The following SLITRK1 variants were observed in gnomAD, a reference collection of about 807,000 sequenced individuals.
The protein encoded by SLITRK1 is SLIT and NTRK like family member 1.
A neutral mutation model predicts 42.4 loss-of-function variants in SLITRK1; 10 were observed. The ratio of observed to expected loss-of-function variants is 0.24; its 90% confidence interval spans 0.15 to 0.40. The LOEUF is 0.40. Among genes scored for constraint, SLITRK1 ranks in the 10% least tolerant of loss-of-function variants. The pLI is 1.00. For missense variants in SLITRK1, 778 were observed against 848.8 expected (o/e 0.92, Z 1.04); for synonymous variants, 389 against 365.7 (o/e 1.06, Z -0.73).
At chr13:83,881,751 GAA>G (rs771177138) in intron 1 of SLITRK1, 191 bp from the exon 2 acceptor site, 2,399 of 106,652 alleles carry the variant, frequency 0.022, 47 homozygotes, top group African/African-American at 0.091. Flanking sequence ...GGCAAGCAAA[GAA>G]AAAAAAAAAA....
rs1884751633 is a variant in SLITRK1 at position 83,879,202 on chromosome 13, C to T, written c.*215G>A. ...GCAAAGAGCGAGCTGGCTGCGCTCT[C>T]CCAGCTCTCCACAGTCTGCTCTTTG... On this transcript the variant is annotated 3_prime_UTR_variant, in exon 2 of 2. Transcript: ENST00000674365. The T allele has an allele frequency of 5.0e-6, 3 of 604,114 alleles. No homozygotes were observed. The highest frequency in any genetic ancestry group is 3.7e-5 in the African/African-American group (2 of 54,144). The allele number at this position is 604,114 out of a possible 1,614,324, so 37.4% of individuals were successfully genotyped here. A position where few individuals can be genotyped will look rare whatever the true frequency, so the allele number is the denominator to read the frequency against.
Position 83,881,391 on chromosome 13 carries a change from G to C in SLITRK1, c.117C>G (p.His39Gln). Residue 39 changes from histidine to glutamine, a missense_variant, in exon 2 of 2, where the codon CAC (histidine) becomes CAG (glutamine). Physicochemically the swap from His to Gln is conservative, Grantham distance 24. Transcript: ENST00000674365. ...TGAAGCCCTTTTTTTCACAGTCTAC[G>C]TGTAGGTCCCCTTCTATCTCATTGC... ...CSCNEIEGDL[H>Q]VDCEKKGFTS... 6.2e-7 allele frequency: 1 copy of C among 1,614,036 alleles called. No homozygotes were observed.
chr13:83,881,745 AGC>A, intron 1 of SLITRK1, 185 bp from the exon 2 acceptor site: 1 of 274,866 alleles, frequency 3.6e-6, no homozygotes, highest in Admixed American at 5.4e-5. Flanking sequence ...GTGCAAGGCA[AGC>A]AAAGAAAAAA....
Position 83,877,751 on chromosome 13 carries a change from G to T in SLITRK1, c.*1666C>A, listed in dbSNP as rs528447973. 1.3e-5 allele frequency: 2 copies of T among 152,502 alleles called. No individual in the cohort carries two copies. Among genetic ancestry groups the T allele is most frequent in the Non-Finnish European group, 2.9e-5 (2 of 68,038 alleles). 9.4% of individuals were successfully genotyped at this position (152,502 alleles called of 1,614,324 possible). A position where few individuals can be genotyped will look rare whatever the true frequency, so the allele number is the denominator to read the frequency against. On this transcript the variant is annotated 3_prime_UTR_variant, in exon 2 of 2. Transcript: ENST00000674365. ...AGCAGATGTTGAATTCAAAATGCCA[G>T]CAGCATCTCAAATGCCAGTCATTAG...
At position 83,879,479 on chromosome 13, in the gene SLITRK1, G is replaced by T; in HGVS notation, c.2029C>A (p.Pro677Thr). 6.2e-7 allele frequency: 1 copy of T among 1,613,998 alleles called. No individual in the cohort carries two copies. The highest frequency in any genetic ancestry group is 8.5e-7 in the Non-Finnish European group (1 of 1,180,024). ...CTGTGGGCCCCATCTGCGTTGTAAG[G>T]CCCATTGTGCCAGTAGGAAGAGTCA... The part of the protein sequence containing the change: ...VCDSSYWHNG[P>T]YNADGAHRVY... The change falls in exon 2 of 2, where the codon CCT becomes ACT. Residue 677 changes from proline to threonine, a missense_variant. Pro to Thr is a conservative substitution (Grantham distance 38). This residue lies in a region of SLITRK1 where 164 missense variants were observed against 158.2 expected (regional missense o/e 1.04). Coordinates refer to ENST00000674365, the MANE Select transcript of SLITRK1 (RefSeq NM_001281503.2).
At position 83,881,517 on chromosome 13, in the gene SLITRK1, G is replaced by T. The variant is rs761334821; in HGVS notation, c.-10C>A. ...GAATCCAAAGCAGCATTTTTAAAGC[G>T]AGCAATTCATCCCCGATCTCATCAC... On this transcript the variant is annotated 5_prime_UTR_variant, in exon 2 of 2. It introduces an in-frame stop codon into an upstream open reading frame of the 5' UTR. Coordinates refer to ENST00000674365, the MANE Select transcript of SLITRK1 (RefSeq NM_001281503.2). 1.9e-6 allele frequency: 3 copies of T among 1,613,188 alleles called. No individual in the cohort carries two copies. The African/African-American group carries it at 4.0e-5, about 22-fold the overall frequency.
In SLITRK1 at chr13:83,878,010, G is replaced by A. The variant is rs981959689; in HGVS notation, c.*1407C>T. 7.0e-6 allele frequency: 1 copy of A among 143,496 alleles called. No individual in the cohort carries two copies. The highest frequency in any genetic ancestry group is 2.3e-4 in the East Asian group (1 of 4,418). 8.9% of individuals were successfully genotyped at this position (143,496 alleles called of 1,614,324 possible). A position where few individuals can be genotyped will look rare whatever the true frequency, so the allele number is the denominator to read the frequency against. On this transcript the variant is annotated 3_prime_UTR_variant, in exon 2 of 2. Coordinates refer to ENST00000674365, the MANE Select transcript of SLITRK1 (RefSeq NM_001281503.2). Reference sequence around the variant, plus strand: ...TGAGTGTTGGGGCAAGACCTTTATGGACTGGGGAAAGCCGGTAAAGTCTGA... The same window carrying A: ...TGAGTGTTGGGGCAAGACCTTTATGAACTGGGGAAAGCCGGTAAAGTCTGA...
Position 83,879,097 on chromosome 13 carries a change from AG to A in SLITRK1, c.*319del. 4.9e-6 allele frequency: 2 copies of A among 408,628 alleles called. No homozygotes were observed. The highest frequency in any genetic ancestry group is 9.2e-6 in the Non-Finnish European group (2 of 216,646). The allele number at this position is 408,628 out of a possible 1,614,324, so 25.3% of individuals were successfully genotyped here. On this transcript the variant is annotated 3_prime_UTR_variant, in exon 2 of 2. Coordinates refer to ENST00000674365, the MANE Select transcript of SLITRK1 (RefSeq NM_001281503.2). The stretch of plus-strand genomic sequence containing the variant: ...ATAGAACCGCGGCATCCAACCCCAC[AG>A]GCCCCGGGGCCGAGGGCGAGGGCAC...
In SLITRK1 at chr13:83,881,514, A is replaced by G; in HGVS notation, c.-7T>C. The G allele has an allele frequency of 6.2e-7, 1 of 1,614,022 alleles. No homozygotes were observed. Among genetic ancestry groups the G allele is most frequent in the Non-Finnish European group, 8.5e-7 (1 of 1,180,024 alleles). ...ACAGAATCCAAAGCAGCATTTTTAA[A>G]GCGAGCAATTCATCCCCGATCTCAT... On this transcript the variant is annotated 5_prime_UTR_variant, in exon 2 of 2. Coordinates refer to ENST00000674365, the MANE Select transcript of SLITRK1 (RefSeq NM_001281503.2).
Position 83,881,293 on chromosome 13 carries a change from C to A in SLITRK1, c.215G>T (p.Arg72Leu), listed in dbSNP as rs1289395154. Residue 72 changes from arginine to leucine, a missense_variant, in exon 2 of 2, where the codon CGA (arginine) becomes CTA (leucine). Transcript: ENST00000674365. ...GTTAGCGAACTCATTAGGGAAAAGT[C>A]GAGTGAGGGAATTGCCATGCAGAAA... ...HLFLHGNSLT[R>L]LFPNEFANFY... 1 of 1,614,064 alleles carries A rather than the reference C, an allele frequency of 6.2e-7. No homozygotes were observed. The highest frequency in any genetic ancestry group is 8.5e-7 in the Non-Finnish European group (1 of 1,180,026).
Position 83,879,960 on chromosome 13 carries a change from G to A in SLITRK1, c.1548C>T (p.Asp516=), listed in dbSNP as rs761912581. Residue 516 remains aspartate, a synonymous_variant, in exon 2 of 2, where the codon GAC becomes GAT. Transcript: ENST00000674365. ...CTATCTGGATGATGGAGGTTAACTG[G>A]TCCAGCACCCCTGCCACCGGGAGGT... The part of the protein sequence containing the change: ...FMYLPVAGVL[D]QLTSIIQIDL... 1.9e-6 allele frequency: 3 copies of A among 1,613,924 alleles called. No individual in the cohort carries two copies. The highest frequency in any genetic ancestry group is 2.7e-5 in the African/African-American group (2 of 74,896).
In SLITRK1 at chr13:83,881,563, G is replaced by A. The variant is rs920458710; in HGVS notation, c.-53-3C>T. On this transcript the variant is annotated splice_region_variant and splice_polypyrimidine_tract_variant and intron_variant, in intron 1 of 1. Coordinates refer to ENST00000674365, the MANE Select transcript of SLITRK1 (RefSeq NM_001281503.2). ...ATCACAAAGTAACAGCGACCATCCT[G>A]CTCGCCACAGACACAATTCAAGTTC... is the stretch of plus-strand genomic sequence containing the variant. 2.8e-5 allele frequency: 44 copies of A among 1,564,884 alleles called. No homozygotes were observed. The highest frequency in any genetic ancestry group is 1.7e-4 in the Middle Eastern group (1 of 5,862).
rs1394039996 is a variant in SLITRK1, at chr13:83,880,507, G to T, written c.1001C>A (p.Pro334His). The T allele has an allele frequency of 1.9e-6, 3 of 1,614,036 alleles. No homozygotes were observed. Among genetic ancestry groups the T allele is most frequent in the Non-Finnish European group, 1.7e-6 (2 of 1,180,016 alleles). ...AGGGCAGGGTAAACTGTTAGCTAAGGGTTTGTTCCTGGAGCTACCCGTCGC... is the reference window on the plus strand; with the variant it reads ...AGGGCAGGGTAAACTGTTAGCTAAGTGTTTGTTCCTGGAGCTACCCGTCGC... The part of the protein sequence containing the change: ...AIATGSSRNK[P>H]LANSLPCPGG... Residue 334 changes from proline (P) to histidine (H), a missense_variant, in exon 2 of 2, where the codon CCC (proline) becomes CAC (histidine). Around this residue, in one of 4 missense-constraint regions of SLITRK1, gnomAD observed 395 missense variants for 360.4 expected, o/e 1.10. Transcript: ENST00000674365.
Position 83,880,669 on chromosome 13 carries a change from G to A in SLITRK1, c.839C>T (p.Thr280Ile). 1 of 1,614,104 alleles carries A rather than the reference G, an allele frequency of 6.2e-7. No homozygotes were observed. Among genetic ancestry groups the A allele is most frequent in the Non-Finnish European group, 8.5e-7 (1 of 1,180,030 alleles). ...SLPAPPAQEETFAPGPLPTPF... is the reference protein window; with the variant it reads ...SLPAPPAQEEIFAPGPLPTPF... ...AGTTGGCAGGGGTCCAGGAGCAAAG[G>A]TCTCTTCTTGGGCAGGGGGCGCCGG... is the stretch of plus-strand genomic sequence containing the variant. Residue 280 changes from threonine to isoleucine, a missense_variant, in exon 2 of 2, where the codon ACC (threonine) becomes ATC (isoleucine). Thr to Ile is a moderately conservative substitution (Grantham distance 89, BLOSUM62 -1). Coordinates refer to ENST00000674365, the MANE Select transcript of SLITRK1 (RefSeq NM_001281503.2).
At position 83,880,578 on chromosome 13, in the gene SLITRK1, C is replaced by A; in HGVS notation, c.930G>T (p.Lys310Asn). The change falls in exon 2 of 2, where the codon AAG becomes AAT. Residue 310 changes from lysine (K) to asparagine (N), a missense_variant. Lys to Asn is a moderately conservative substitution (Grantham distance 94). Around this residue, in one of 4 missense-constraint regions of SLITRK1, gnomAD observed 395 missense variants for 360.4 expected, o/e 1.10. Transcript: ENST00000674365. The stretch of plus-strand genomic sequence containing the variant: ...TTTTGATCTGCCAGTTGCCTGGGAT[C>A]TTTGTACCTCCGTTTGGAGCAGACC... ...TPGSAPNGGT[K>N]IPGNWQIKIR... is the part of the protein sequence containing the mutation. The A allele has an allele frequency of 1.2e-6, 2 of 1,614,134 alleles. No homozygotes were observed. The highest frequency in any genetic ancestry group is 1.7e-6 in the Non-Finnish European group (2 of 1,180,034).
At position 83,880,192 on chromosome 13, in the gene SLITRK1, G is replaced by C. The variant is rs779231728; in HGVS notation, c.1316C>G (p.Ser439Cys). Residue 439 changes from serine to cysteine, a missense_variant, in exon 2 of 2, where the codon TCC becomes TGC. By Grantham distance (112) the Ser-to-Cys change is moderately radical. Coordinates refer to ENST00000674365, the MANE Select transcript of SLITRK1 (RefSeq NM_001281503.2). ...YMDSNYLDTLSREKFAGLQNL... is the reference protein window; with the variant it reads ...YMDSNYLDTLCREKFAGLQNL... ...TTGCAGCCCCGCGAATTTCTCCCGG[G>C]ACAGCGTGTCCAGGTAATTGCTATC... is the stretch of plus-strand genomic sequence containing the variant. The C allele has an allele frequency of 9.9e-6, 16 of 1,613,884 alleles. No individual in the cohort carries two copies. Among genetic ancestry groups the C allele is most frequent in the Admixed American group, 1.7e-5 (1 of 59,990 alleles).
At position 83,879,869 on chromosome 13, in the gene SLITRK1, A is replaced by G. The variant is rs1161027039; in HGVS notation, c.1639T>C (p.Leu547=). 1 of 1,614,098 alleles carries G rather than the reference A, an allele frequency of 6.2e-7. No individual in the cohort carries two copies. Among genetic ancestry groups the G allele is most frequent in the Non-Finnish European group, 8.5e-7 (1 of 1,180,020 alleles). The stretch of plus-strand genomic sequence containing the variant: ...TCGCTCATCAGCACTTCGGAACCCA[A>G]GCGTTCTGCCCACTGCTTGAAAGGC... The part of the protein sequence containing the change: ...IVPFKQWAER[L]GSEVLMSDLK... Residue 547 remains leucine (L), a synonymous_variant, in exon 2 of 2, where the codon TTG becomes CTG. Coordinates refer to ENST00000674365, the MANE Select transcript of SLITRK1 (RefSeq NM_001281503.2).
chr13:83,880,216 T>G lies in SLITRK1; in HGVS notation c.1292A>C (p.Asp431Ala). The G allele has an allele frequency of 6.2e-7, 1 of 1,614,104 alleles. No homozygotes were observed. The highest frequency in any genetic ancestry group is 8.5e-7 in the Non-Finnish European group (1 of 1,180,032). The stretch of plus-strand genomic sequence containing the variant: ...GGACAGCGTGTCCAGGTAATTGCTA[T>G]CCATGTATAGCCACCTGAGGTCCAA... ...NLLDLRWLYM[D>A]SNYLDTLSRE... Residue 431 changes from aspartate (D) to alanine (A), a missense_variant, in exon 2 of 2, where the codon GAT becomes GCT. Transcript: ENST00000674365.
In SLITRK1 at chr13:83,879,633, C is replaced by T. The variant is rs758448851; in HGVS notation, c.1875G>A (p.Leu625=). 1.9e-6 allele frequency: 3 copies of T among 1,613,714 alleles called. No homozygotes were observed. The highest frequency in any genetic ancestry group is 3.3e-5 in the Admixed American group (2 of 59,972). ...VSISVLVPGL[L]LVFVTSAFTV... is the part of the protein sequence containing the mutation. ...TGAAGGCGGAGGTGACAAACACCAGCAGCAGTCCCGGGACCAACACCGAGA... is the reference window on the plus strand; with the variant it reads ...TGAAGGCGGAGGTGACAAACACCAGTAGCAGTCCCGGGACCAACACCGAGA... Residue 625 remains leucine, a synonymous_variant, in exon 2 of 2, where the codon CTG becomes CTA. Coordinates refer to ENST00000674365, the MANE Select transcript of SLITRK1 (RefSeq NM_001281503.2).
Sources: gnomAD v4.1 joint callset for allele counts on GRCh38, gnomAD v4.1.1 for gene constraint, gnomAD v4.1.1 regional missense constraint, MANE v1.5 for transcripts, NCBI Gene and HGNC (gene_info 2026-07-23, HGNC 2026-07-21) for gene names.